The following OVCH1 variants were observed in gnomAD, a reference collection of about 807,000 sequenced individuals.
OVCH1 encodes the protein ovochymase-1.
A neutral mutation model predicts 138.4 loss-of-function variants in OVCH1; 139 were observed. The ratio of observed to expected loss-of-function variants is 1.00; its 90% CI spans 0.87 to 1.16. The LOEUF is 1.16. Among genes scored for constraint, OVCH1 ranks in the 50% most tolerant of loss-of-function variants. The probability of loss-of-function intolerance (pLI) is 0.00; values close to 1 mark genes in which losing one functional copy is unlikely to be tolerated. For synonymous variants in OVCH1, 453 were observed against 467.8 expected (o/e 0.97, Z 0.41); for missense variants, 1,367 against 1,357.9 (o/e 1.01, Z -0.11).
At chr12:29,405,428 C>T in the OVCH1 span, among the ~76,000 whole-genome samples, 2 of 152,130 alleles carry the variant, frequency 1.3e-5, no homozygotes, top group Admixed American at 1.3e-4. Context: ...CCAAGAGGTA[C>T]CTTTGCCTGT....
At chr12:29,476,267 A>C in exon 13 of OVCH1, 1 of 1,613,620 alleles carries the variant, frequency 6.2e-7, no homozygotes, top group Non-Finnish European at 8.5e-7. Context: ...TACAGTTTGG[A>C]CTAAATTTGA....
At chr12:29,425,768 T>G (rs1941170693), downstream of OVCH1, among the ~76,000 whole-genome samples, 1 of 152,210 alleles carries the variant, frequency 6.6e-6, no homozygotes, top group South Asian at 2.1e-4. Flanking sequence ...AAATATTTAA[T>G]AAGTTATTAG....
intron 3 of OVCH1, among the ~76,000 whole-genome samples, chr12:29,421,375 A>G (rs957986065): frequency 1.3e-5 from 2 of 152,226 alleles, no homozygotes; most frequent in Non-Finnish European, 2.9e-5. Flanking sequence ...TTCAGAATGG[A>G]GGCATTTCTT....
chr12:29,468,979 A>G (rs1196488948), intron 16 of OVCH1, among the ~76,000 whole-genome samples: 7 of 152,150 alleles, frequency 4.6e-5, no homozygotes, highest in Non-Finnish European at 1.0e-4. Context: ...AATACACATG[A>G]TAGACCTAGA....
downstream of OVCH1, among the ~76,000 whole-genome samples, chr12:29,425,411 A>AT (rs1941164959): frequency 6.6e-6 from 1 of 152,222 alleles, no homozygotes; most frequent in Admixed American, 6.5e-5. Flanking sequence ...AATCCAAAAC[A>AT]TATAATGCTC....
chr12:29,474,931 A>T, intron 14 of OVCH1, 130 bp downstream of exon 14: 1 of 1,106,616 alleles, frequency 9.0e-7, no homozygotes, highest in South Asian at 1.9e-5. Context: ...GGGTGGATCC[A>T]GAAATCTGCA....
chr12:29,441,894 G>C (rs1941494522), intron 25 of OVCH1, among the ~76,000 whole-genome samples: 1 of 152,186 alleles, frequency 6.6e-6, no homozygotes, highest in African/African-American at 2.4e-5. Context: ...CTGGCCATCA[G>C]AGAAATGCAA....
At position 29,487,892 on chromosome 12, in the gene OVCH1, T is replaced by C; in HGVS notation, c.703-10A>G. 3 of 1,593,484 alleles carry C rather than the reference T, an allele frequency of 1.9e-6. No individual in the cohort carries two copies. The highest frequency in any genetic ancestry group is 2.6e-6 in the Non-Finnish European group (3 of 1,172,632). ...GTCCTCCAGAGTCCCCCTTTCATGG[T>C]ACAAAAAAAGAGAAAATTTGAAAAT... On this transcript the variant is annotated splice_polypyrimidine_tract_variant and intron_variant, in intron 6 of 27. Coordinates refer to ENST00000318184, the Ensembl canonical transcript of OVCH1.
At chr12:29,434,154 C>T (rs1941317410) in intron 26 of OVCH1, among the ~76,000 whole-genome samples, 2 of 152,044 alleles carry the variant, frequency 1.3e-5, no homozygotes, top group African/African-American at 2.4e-5. Context: ...CACATATGAA[C>T]TAATCAAACA....
chr12:29,494,401 TGA>T (rs1279340377), intron 4 of OVCH1, among the ~76,000 whole-genome samples: 1 of 152,188 alleles, frequency 6.6e-6, no homozygotes, highest in Non-Finnish European at 1.5e-5. Flanking sequence ...TTACCTGTGT[TGA>T]GAGAGTGTTG....
chr12:29,439,441 T>G (rs539518818), intron 25 of OVCH1: 1 of 1,503,596 alleles, frequency 6.7e-7, no homozygotes, highest in African/African-American at 1.4e-5. Flanking sequence ...GAAGCTAAGA[T>G]GGTCTGAGAA....
chr12:29,421,731 C>T (rs1941107345), intron 3 of OVCH1, among the ~76,000 whole-genome samples: 2 of 151,998 alleles, frequency 1.3e-5, no homozygotes, highest in African/African-American at 2.4e-5. Context: ...AAAAGAAATT[C>T]TCCAGGAAAT....
At chr12:29,477,045 T>A in intron 12 of OVCH1, 57 bp downstream of exon 12, 1 of 1,466,364 alleles carries the variant, frequency 6.8e-7, no homozygotes, top group Non-Finnish European at 9.1e-7. Context: ...AATTAAGTTC[T>A]GCCTAACTAA....
chr12:29,496,709 A>AT, intron 1 of OVCH1, 35 bp from the exon 2 acceptor site: 6 of 1,445,896 alleles, frequency 4.1e-6, no homozygotes, highest in Non-Finnish European at 5.7e-6. Context: ...GCACACACAG[A>AT]GCCTTATGTA....
At chr12:29,464,478 T>C (rs1405376556) in intron 18 of OVCH1, 29 bp downstream of exon 18, 2 of 1,606,544 alleles carry the variant, frequency 1.2e-6, no homozygotes, top group East Asian at 2.2e-5. Context: ...CAACTGGCAT[T>C]AATGTTTATG....
chr12:29,426,570 GAT>G (rs1330519146), downstream of OVCH1, among the ~76,000 whole-genome samples: 1 of 152,126 alleles, frequency 6.6e-6, no homozygotes, highest in Non-Finnish European at 1.5e-5. Flanking sequence ...GGCCCAAACA[GAT>G]ATCTCTCTAT....
intron 16 of OVCH1, among the ~76,000 whole-genome samples, chr12:29,466,109 AG>A (rs1256502766): frequency 1.2e-4 from 6 of 50,172 alleles, no homozygotes; most frequent in African/African-American, 1.7e-4. Flanking sequence ...GGGTGGGGGG[AG>A]GGGGGAGGGA....
exon 22 of OVCH1, chr12:29,451,447 C>G: frequency 1.2e-6 from 2 of 1,613,226 alleles, no homozygotes; most frequent in Non-Finnish European, 1.7e-6. Context: ...GTAAATTTTG[C>G]CATACTGCTT....
intron 27 of OVCH1, among the ~76,000 whole-genome samples, chr12:29,427,850 C>T (rs188080505): frequency 2.5e-3 from 381 of 152,248 alleles, no homozygotes; most frequent in African/African-American, 8.6e-3. Flanking sequence ...ATGCAAATCC[C>T]TTCACTGTTA....
Sources: gnomAD v4.1 joint callset for allele counts (sites outside exome capture counted in the v4.1 genomes callset) on GRCh38, gnomAD v4.1.1 for gene constraint, MANE v1.5 for transcripts, NCBI Gene and HGNC (gene_info 2026-07-23, HGNC 2026-07-21) for gene names.